The following MAGI3 variants were observed in gnomAD, a reference collection of about 807,000 sequenced individuals.
MAGI3 encodes membrane-associated guanylate kinase, WW and PDZ domain-containing protein 3.
MAGI3 carries 43 observed loss-of-function variants against 121.8 expected under a neutral mutation model. That is an observed-to-expected ratio of 0.35 (90% CI 0.28 to 0.46). The LOEUF (loss-of-function observed/expected upper bound fraction) is 0.46, where lower values mean the gene tolerates loss of function less well. Among genes scored for constraint, MAGI3 ranks in the 20% least tolerant of loss-of-function variants. The probability of loss-of-function intolerance (pLI) is 1.00; values close to 1 mark genes in which losing one functional copy is unlikely to be tolerated. For synonymous variants in MAGI3, 553 were observed against 639.3 expected, an observed-to-expected ratio of 0.86 and a Z score of 2.04; for missense variants, 1,547 against 1,797.3, an observed-to-expected ratio of 0.86 and a Z score of 2.52.
In MAGI3 at chr1:113,489,175, C is replaced by G. The variant is rs1024997311; in HGVS notation, c.317-60340C>G. 4.6e-5 allele frequency among the ~76,000 whole-genome samples: 7 copies of G among 151,582 alleles called. No homozygotes were observed. The South Asian group carries it at 1.0e-3, about 23-fold the overall frequency. On this transcript the variant is annotated intron_variant, in intron 1 of 20. Transcript: ENST00000307546. ...CGGTCTGGGAACACCTTAGGCCCCC[C>G]CCGACCCCAGCACAGTGGATTTCTA...
At chr1:113,473,984 C>T (rs1002713959) in intron 1 of MAGI3, among the ~76,000 whole-genome samples, 82 of 148,974 alleles carry the variant, frequency 5.5e-4, no homozygotes, top group Non-Finnish European at 6.0e-5. Context: ...TGGTATCTCA[C>T]TGTGATTTTG....
rs1381504593 is a variant in MAGI3, at chr1:113,642,044, T to C, written c.1494T>C (p.Asp498=). ...TATGTCGTGGTTATCCACTTCCTGA[T>C]GACAGTGAAGATCCTGTTGTGGACA... is the stretch of plus-strand genomic sequence containing the variant. ...LTLCRGYPLP[D]DSEDPVVDIV... The change falls in exon 10 of 21, where the codon GAT becomes GAC. Residue 498 remains aspartate, a synonymous_variant. Transcript: ENST00000307546. 1.9e-6 allele frequency: 3 copies of C among 1,614,096 alleles called. No individual in the cohort carries two copies. The African/African-American group carries it at 4.0e-5, about 22-fold the overall frequency.
intron 1 of MAGI3, among the ~76,000 whole-genome samples, chr1:113,520,477 T>A (rs891482183): frequency 6.6e-6 from 1 of 152,228 alleles, no homozygotes; most frequent in African/African-American, 2.4e-5. Context: ...TTGTATTTTT[T>A]AAGAGATTTT....
intron 1 of MAGI3, among the ~76,000 whole-genome samples, chr1:113,393,934 G>A (rs758577093): frequency 2.6e-5 from 4 of 152,156 alleles, no homozygotes; most frequent in Admixed American, 1.3e-4. Context: ...TTAGAGACTA[G>A]CACAGTGAAA....
At chr1:113,511,237 T>C (rs898487335) in intron 1 of MAGI3, among the ~76,000 whole-genome samples, 1 of 152,218 alleles carries the variant, frequency 6.6e-6, no homozygotes, top group Non-Finnish European at 1.5e-5. Context: ...GTTAAGGATA[T>C]TCTGGTAATT....
intron 1 of MAGI3, among the ~76,000 whole-genome samples, chr1:113,397,492 G>C (rs77609547): frequency 2.0e-5 from 3 of 152,016 alleles, no homozygotes; most frequent in Non-Finnish European, 2.9e-5. Context: ...GGGCAAAAAC[G>C]TTCCATACAG....
At chr1:113,496,959 A>T (rs1222634043) in intron 1 of MAGI3, among the ~76,000 whole-genome samples, 1 of 152,188 alleles carries the variant, frequency 6.6e-6, no homozygotes, top group Non-Finnish European at 1.5e-5. Flanking sequence ...AAAGCAATGT[A>T]ATTAAAGCTT....
At chr1:113,460,973 G>T (rs931791266) in intron 1 of MAGI3, among the ~76,000 whole-genome samples, 1 of 151,986 alleles carries the variant, frequency 6.6e-6, no homozygotes, top group African/African-American at 2.4e-5. Context: ...AAAGGCAATC[G>T]AATTCCCAGT....
intron 15 of MAGI3, among the ~76,000 whole-genome samples, chr1:113,655,731 G>A (rs1432207514): frequency 2.0e-5 from 3 of 151,834 alleles, no homozygotes; most frequent in African/African-American, 7.3e-5. Context: ...TCTGATCTTG[G>A]GCAAATTACT....
chr1:113,613,355 AAAGTATG>A (rs1446175489), intron 6 of MAGI3, among the ~76,000 whole-genome samples: 2 of 152,190 alleles, frequency 1.3e-5, no homozygotes, highest in Non-Finnish European at 2.9e-5. Context: ...TATATGCAGA[AAAGTATG>A]GTGGAGAAAT....
chr1:113,653,665 A>T (rs1216532362), intron 14 of MAGI3, among the ~76,000 whole-genome samples, 165 bp from the exon 15 acceptor site: 1 of 152,098 alleles, frequency 6.6e-6, no homozygotes, highest in Non-Finnish European at 1.5e-5. Flanking sequence ...GCTGTTGCCT[A>T]CATCTGCACT....
At position 113,683,906 on chromosome 1, in the gene MAGI3, G is replaced by A. The variant is rs777825715; in HGVS notation, c.4338G>A (p.Pro1446=). 1.6e-5 allele frequency: 26 copies of A among 1,611,516 alleles called. No homozygotes were observed. Among genetic ancestry groups the A allele is most frequent in the East Asian group, 4.5e-5 (2 of 44,832 alleles). Residue 1446 remains proline (P), a synonymous_variant, in exon 21 of 21, where the codon CCG becomes CCA. Coordinates refer to ENST00000307546, the MANE Select transcript of MAGI3 (RefSeq NM_001142782.2). ...ACAAAGAGACTGGAAGGTTCAAACC[G>A]GAAAGCAGTTCTCCAGTTAAGAAAA... is the stretch of plus-strand genomic sequence containing the variant. ...DKNKETGRFK[P]ESSSPVKKTL... is the part of the protein sequence containing the mutation.
intron 1 of MAGI3, among the ~76,000 whole-genome samples, chr1:113,454,379 C>CA (rs1654642642): frequency 6.6e-6 from 1 of 152,100 alleles, no homozygotes; most frequent in Non-Finnish European, 1.5e-5. Context: ...TATGACCTGT[C>CA]CGTACATTTT....
chr1:113,480,573 T>A (rs1471807285), intron 1 of MAGI3, among the ~76,000 whole-genome samples: 1 of 152,194 alleles, frequency 6.6e-6, no homozygotes. Context: ...TGAAGTCATG[T>A]GCTCACGTTA....
chr1:113,665,342 A>G (rs1033030140), intron 16 of MAGI3, among the ~76,000 whole-genome samples: 1 of 151,800 alleles, frequency 6.6e-6, no homozygotes, highest in African/African-American at 2.4e-5. Context: ...CTATTAGTTT[A>G]TTTGTTCTTG....
intron 1 of MAGI3, among the ~76,000 whole-genome samples, chr1:113,545,646 G>A (rs1659502208): frequency 6.6e-6 from 1 of 152,192 alleles, no homozygotes; most frequent in African/African-American, 2.4e-5. Flanking sequence ...GGATTTGTAT[G>A]TTGAAACTTG....
At chr1:113,573,348 G>A (rs534203547) in intron 2 of MAGI3, among the ~76,000 whole-genome samples, 39 of 152,318 alleles carry the variant, frequency 2.6e-4, no homozygotes, top group Admixed American at 9.8e-4. Flanking sequence ...ATAAGCTTCC[G>A]TCTAAACACT....
chr1:113,407,242 G>C (rs1363094171), intron 1 of MAGI3, among the ~76,000 whole-genome samples: 1 of 152,162 alleles, frequency 6.6e-6, no homozygotes, highest in African/African-American at 2.4e-5. Context: ...CTTTAGTTTG[G>C]ATGAAAATAA....
intron 5 of MAGI3, among the ~76,000 whole-genome samples, chr1:113,593,114 A>G (rs1648791661): frequency 2.0e-5 from 3 of 152,210 alleles, no homozygotes; most frequent in African/African-American, 7.2e-5. Context: ...AGCGGTTACA[A>G]AAGATATAGA....
Sources: gnomAD v4.1 joint callset for allele counts (sites outside exome capture counted in the v4.1 genomes callset) on GRCh38, gnomAD v4.1.1 for gene constraint, MANE v1.5 for transcripts, NCBI Gene and HGNC (gene_info 2026-07-23, HGNC 2026-07-21) for gene names.